The following ALK variants were observed in gnomAD, a reference collection of about 807,000 sequenced individuals.
ALK encodes ALK tyrosine kinase receptor.
A neutral mutation model predicts 163.1 loss-of-function variants in ALK; 74 were observed. That is an observed-to-expected ratio of 0.45 (90% CI 0.38 to 0.55). The LOEUF is 0.55. ALK is among the 20% of genes least tolerant of loss of function. The pLI is 0.00. For missense variants in ALK, 2,063 were observed against 2,105.3 expected, an observed-to-expected ratio of 0.98 and a Z score of 0.39; for synonymous variants, 960 against 843.2, an observed-to-expected ratio of 1.14 and a Z score of -2.40.
chr2:29,656,234 A>C (rs1022201531), intron 3 of ALK, among the ~76,000 whole-genome samples: 3 of 152,144 alleles, frequency 2.0e-5, no homozygotes, highest in African/African-American at 7.2e-5. Context: ...TTAAAGACAA[A>C]AGTCTATGAT....
chr2:29,647,775 C>CTTTTTTTT (rs34620705), intron 3 of ALK, among the ~76,000 whole-genome samples: 4 of 117,206 alleles, frequency 3.4e-5, no homozygotes, highest in East Asian at 5.0e-4. Flanking sequence ...ATGATTTTTT[C>CTTTTTTTT]TTTTTTTTTT....
At chr2:29,233,528 C>T (rs774866973) in intron 14 of ALK, 37 bp downstream of exon 14, 4 of 1,613,980 alleles carry the variant, frequency 2.5e-6, no homozygotes. Flanking sequence ...TGCAGATGCA[C>T]AGGAACCTGG....
intron 3 of ALK, among the ~76,000 whole-genome samples, chr2:29,625,733 T>C (rs1676174245): frequency 6.6e-6 from 1 of 152,242 alleles, no homozygotes; most frequent in Admixed American, 6.5e-5. Context: ...GTTAATCCCA[T>C]GCTTGCTGCC....
At chr2:29,605,873 C>G (rs1047785679) in intron 3 of ALK, among the ~76,000 whole-genome samples, 1 of 152,132 alleles carries the variant, frequency 6.6e-6, no homozygotes, top group South Asian at 2.1e-4. Flanking sequence ...TGCCTCCCCA[C>G]CCCTCTGACA....
intron 1 of ALK, among the ~76,000 whole-genome samples, chr2:29,859,014 C>T (rs1221624110): frequency 6.6e-6 from 1 of 150,662 alleles, no homozygotes; most frequent in African/African-American, 2.4e-5. Flanking sequence ...GCCTGAGCAA[C>T]AGAGCAAGAC....
intron 2 of ALK, among the ~76,000 whole-genome samples, chr2:29,700,799 C>T (rs935125597): frequency 5.3e-5 from 8 of 152,154 alleles, no homozygotes; most frequent in African/African-American, 1.9e-4. Context: ...ATCAGAAAAC[C>T]ACGGTGGTGA....
intron 8 of ALK, among the ~76,000 whole-genome samples, chr2:29,298,694 C>T (rs1666274189): frequency 6.6e-6 from 1 of 152,222 alleles, no homozygotes. Context: ...TTCTACTTTA[C>T]TGAGAAGATC....
intron 1 of ALK, among the ~76,000 whole-genome samples, chr2:29,889,210 C>A (rs1030086271): frequency 6.6e-6 from 1 of 151,784 alleles, no homozygotes; most frequent in Non-Finnish European, 1.5e-5. Context: ...CAGGGATATA[C>A]AATGGTTTCT....
chr2:29,238,769 TC>T (rs1481122814), intron 13 of ALK, among the ~76,000 whole-genome samples: 1 of 152,168 alleles, frequency 6.6e-6, no homozygotes, highest in Non-Finnish European at 1.5e-5. Context: ...CTTGGGAACT[TC>T]CTGTGCATCC....
chr2:29,596,977 A>T (rs910247320), intron 3 of ALK, among the ~76,000 whole-genome samples: 5 of 152,154 alleles, frequency 3.3e-5, no homozygotes, highest in Admixed American at 1.3e-4. Context: ...TCCTCCCCAG[A>T]GGGGATATTC....
At chr2:29,832,720 C>G (rs1389915237) in intron 1 of ALK, among the ~76,000 whole-genome samples, 5 of 152,240 alleles carry the variant, frequency 3.3e-5, no homozygotes, top group Admixed American at 6.5e-5. Context: ...ATCCATCCAG[C>G]CTACAAATAC....
At position 29,890,125 on chromosome 2, in the gene ALK, C is replaced by A. The variant is rs137906331; in HGVS notation, c.667+29868G>T. Among the ~76,000 whole-genome samples the A allele has an allele frequency of 2.5e-3, 387 of 152,292 alleles. 2 individuals are homozygous for A. Among genetic ancestry groups the A allele is most frequent in the African/African-American group, 8.8e-3 (367 of 41,552 alleles). ...ACCAGGCATTTATCTTGACAATTGA[C>A]TCTATGCCCTCTGCCCCTTAGCACT... On this transcript the variant is annotated intron_variant, in intron 1 of 28. Coordinates refer to ENST00000389048, the MANE Select transcript of ALK (RefSeq NM_004304.5).
intron 1 of ALK, among the ~76,000 whole-genome samples, chr2:29,893,390 C>A (rs1302297566): frequency 1.3e-5 from 2 of 152,156 alleles, no homozygotes; most frequent in Admixed American, 1.3e-4. Flanking sequence ...TGTTCACCAG[C>A]TCCCAATTCA....
intron 15 of ALK, 42 bp downstream of exon 15, chr2:29,232,262 C>T: frequency 6.2e-7 from 1 of 1,613,558 alleles, no homozygotes; most frequent in Non-Finnish European, 8.5e-7. Flanking sequence ...AGCTGAAGGC[C>T]TGGGAGAGGT....
At chr2:29,778,360 T>C (rs867832776) in intron 1 of ALK, among the ~76,000 whole-genome samples, 1 of 152,200 alleles carries the variant, frequency 6.6e-6, no homozygotes, top group Admixed American at 6.5e-5. Flanking sequence ...AGAATGCCTA[T>C]GTGGTTGGAC....
At chr2:29,747,089 G>A (rs1483370754) in intron 1 of ALK, among the ~76,000 whole-genome samples, 4 of 152,168 alleles carry the variant, frequency 2.6e-5, no homozygotes, top group African/African-American at 9.7e-5. Context: ...TGTGTTTGTT[G>A]AGTGGGGGAG....
chr2:29,770,176 G>A (rs1280183648), intron 1 of ALK, among the ~76,000 whole-genome samples: 3 of 152,228 alleles, frequency 2.0e-5, no homozygotes, highest in East Asian at 3.8e-4. Context: ...ACTACCAAGT[G>A]TAGGAAGGAG....
chr2:29,781,424 A>C (rs1681328587), intron 1 of ALK, among the ~76,000 whole-genome samples: 1 of 152,114 alleles, frequency 6.6e-6, no homozygotes, highest in South Asian at 2.1e-4. Flanking sequence ...TCCTCCTTGC[A>C]TGGGCCTTGC....
chr2:29,216,105 A>C (rs1208960211), intron 23 of ALK, among the ~76,000 whole-genome samples: 2 of 152,080 alleles, frequency 1.3e-5, no homozygotes, highest in African/African-American at 4.8e-5. Flanking sequence ...CATTCCCATC[A>C]AGCAGCACTC....
Sources: allele counts gnomAD v4.1 joint callset (sites outside exome capture counted in the v4.1 genomes callset), GRCh38; gene constraint gnomAD v4.1.1; transcripts MANE v1.5; gene names NCBI Gene and HGNC (gene_info 2026-07-23, HGNC 2026-07-21).